The following NAV3 variants were observed in gnomAD, a reference collection of about 807,000 sequenced individuals.
NAV3 encodes neuron navigator 3.
Under a neutral mutation model 244.7 loss-of-function variants are expected in NAV3, and 87 were observed. The ratio of observed to expected loss-of-function variants is 0.36; its 90% confidence interval spans 0.30 to 0.42. NAV3 has a LOEUF of 0.42. Ranked by LOEUF, NAV3 falls within the 20% of genes least tolerant of loss-of-function variation. The probability of loss-of-function intolerance (pLI) is 1.00; values close to 1 mark genes in which losing one functional copy is unlikely to be tolerated. For synonymous variants in NAV3, 1,126 were observed against 1,042.2 expected (o/e 1.08, Z -1.55); for missense variants, 2,663 against 2,893.3 (o/e 0.92, Z 1.83).
chr12:78,008,291 C>T (rs938964436), intron 8 of NAV3, among the ~76,000 whole-genome samples: 1 of 151,576 alleles, frequency 6.6e-6, no homozygotes, highest in African/African-American at 2.4e-5. Context: ...CATTGAAATA[C>T]ACAATATAAA....
At position 78,059,027 on chromosome 12, in the gene NAV3, A is replaced by G; in HGVS notation, c.2548A>G (p.Thr850Ala). 2 of 1,609,864 alleles carry G rather than the reference A, an allele frequency of 1.2e-6. No homozygotes were observed. The highest frequency in any genetic ancestry group is 1.7e-6 in the Non-Finnish European group (2 of 1,177,988). Reference sequence around the variant, plus strand: ...GACAGATGGAGGACTTAACCTATATACTAGAAGTCTGAACCGAATACCAGA... The same window carrying G: ...GACAGATGGAGGACTTAACCTATATGCTAGAAGTCTGAACCGAATACCAGA... ...YMTDGGLNLY[T>A]RSLNRIPDTA... Residue 850 changes from threonine to alanine, a missense_variant, in exon 12 of 40, where the codon ACT (threonine) becomes GCT (alanine). This residue lies in a region of NAV3 where 1,521 missense variants were observed against 1,497.0 expected (regional missense o/e 1.02). Transcript: ENST00000397909.
At chr12:77,896,934 A>T (rs1204533752) in intron 1 of NAV3, among the ~76,000 whole-genome samples, 1 of 152,212 alleles carries the variant, frequency 6.6e-6, no homozygotes, top group Non-Finnish European at 1.5e-5. Flanking sequence ...CAAAAGATCT[A>T]CATCAGACTC....
chr12:78,130,048 T>C (rs1956094788), intron 18 of NAV3, among the ~76,000 whole-genome samples: 1 of 152,180 alleles, frequency 6.6e-6, no homozygotes, highest in African/African-American at 2.4e-5. Context: ...ACCATATACA[T>C]TTGTAATGAG....
chr12:77,971,580 A>G (rs1892998766), intron 5 of NAV3, among the ~76,000 whole-genome samples: 1 of 152,172 alleles, frequency 6.6e-6, no homozygotes, highest in Admixed American at 6.6e-5. Context: ...CAATGATAAT[A>G]TACATAGGAA....
At chr12:77,957,511 A>G (rs902916445) in intron 3 of NAV3, among the ~76,000 whole-genome samples, 4 of 152,202 alleles carry the variant, frequency 2.6e-5, no homozygotes, top group East Asian at 3.8e-4. Flanking sequence ...TTCCAATTAC[A>G]TGTCCTGAAA....
intron 1 of NAV3, among the ~76,000 whole-genome samples, chr12:77,926,250 C>T (rs1888204354): frequency 6.6e-6 from 1 of 152,130 alleles, no homozygotes. Flanking sequence ...TAATTATAAC[C>T]TATCTTGAAA....
intron 2 of NAV3, among the ~76,000 whole-genome samples, chr12:77,771,735 G>A (rs1870097771): frequency 6.6e-6 from 1 of 152,078 alleles, no homozygotes; most frequent in African/African-American, 2.4e-5. Context: ...GACACAGGAA[G>A]GGGAACATCA....
At chr12:78,179,084 CT>C (rs560781649) in intron 28 of NAV3, among the ~76,000 whole-genome samples, 71 of 150,784 alleles carry the variant, frequency 4.7e-4, no homozygotes, top group East Asian at 7.8e-4. Context: ...TGTGGCAAAG[CT>C]TTTTTTTTGC....
At chr12:78,099,360 A>C (rs1954425178) in intron 12 of NAV3, among the ~76,000 whole-genome samples, 1 of 151,774 alleles carries the variant, frequency 6.6e-6, no homozygotes, top group Non-Finnish European at 1.5e-5. Context: ...CAGAGTGTTA[A>C]CTAGGTAAAT....
At chr12:78,076,055 T>A (rs1953033950) in intron 12 of NAV3, among the ~76,000 whole-genome samples, 1 of 152,134 alleles carries the variant, frequency 6.6e-6, no homozygotes, top group Non-Finnish European at 1.5e-5. Flanking sequence ...CCAATGCACT[T>A]TTTCTCTACT....
chr12:77,575,832 G>A (rs1431201288), intron 2 of NAV3, among the ~76,000 whole-genome samples: 1 of 152,138 alleles, frequency 6.6e-6, no homozygotes, highest in African/African-American at 2.4e-5. Context: ...ACTAGGTAGT[G>A]ATAAAAAGAT....
intron 2 of NAV3, among the ~76,000 whole-genome samples, chr12:77,602,422 C>T (rs1384533655): frequency 6.6e-6 from 1 of 151,858 alleles, no homozygotes; most frequent in African/African-American, 2.4e-5. Flanking sequence ...TTTTGTCAGA[C>T]CACTTGATAG....
chr12:78,087,919 A>C (rs972643124), intron 12 of NAV3, among the ~76,000 whole-genome samples: 9 of 151,872 alleles, frequency 5.9e-5, no homozygotes. Context: ...TGTTTATTGC[A>C]AAAGGAGTAT....
rs146718376 is a variant in NAV3, at chr12:78,155,010, CAA to C, written c.4786-4192_4786-4191del. Among the ~76,000 whole-genome samples the C allele has an allele frequency of 3.1e-3, 479 of 152,072 alleles. 3 individuals are homozygous for C. Among genetic ancestry groups the C allele is most frequent in the African/African-American group, 0.011 (440 of 41,512 alleles). ...AAACCAAGGTGAGATAAATTTAAGA[CAA>C]TATTTTTTTTCTTCAACTTTTAAGT... On this transcript the variant is annotated intron_variant, in intron 22 of 39. Transcript: ENST00000397909.
At chr12:77,580,008 C>G (rs1869276203) in intron 2 of NAV3, among the ~76,000 whole-genome samples, 3 of 152,058 alleles carry the variant, frequency 2.0e-5, no homozygotes, top group Admixed American at 1.3e-4. Flanking sequence ...TGTGTTCTGT[C>G]TTCTGGGGGC....
intron 22 of NAV3, among the ~76,000 whole-genome samples, chr12:78,157,852 TAA>T (rs1336611317): frequency 6.6e-6 from 1 of 151,834 alleles, no homozygotes. Context: ...AAAAAGATAA[TAA>T]AGAGTTGTTC....
intron 39 of NAV3, among the ~76,000 whole-genome samples, chr12:78,205,356 G>T (rs1234375869): frequency 6.6e-6 from 1 of 152,016 alleles, no homozygotes; most frequent in African/African-American, 2.4e-5. Context: ...CAACCAGAAT[G>T]AACTCCTAGA....
At chr12:78,185,783 G>A in intron 31 of NAV3, 85 bp downstream of exon 31, 2 of 1,126,710 alleles carry the variant, frequency 1.8e-6, no homozygotes, top group Non-Finnish European at 2.6e-6. Context: ...TATTTGATCT[G>A]GTAAATATCC....
At chr12:78,094,685 T>G (rs1954137790) in intron 12 of NAV3, among the ~76,000 whole-genome samples, 1 of 152,312 alleles carries the variant, frequency 6.6e-6, no homozygotes, top group Admixed American at 6.5e-5. Flanking sequence ...ATATTTTTAA[T>G]TACCGGGTTA....
Sources: allele counts gnomAD v4.1 joint callset (sites outside exome capture counted in the v4.1 genomes callset), GRCh38; gene constraint gnomAD v4.1.1; regional missense constraint gnomAD v4.1.1; transcripts MANE v1.5; gene names NCBI Gene and HGNC (gene_info 2026-07-23, HGNC 2026-07-21).